PEAK1: variants seen among roughly 807,000 people sequenced by gnomAD.
PEAK1 encodes pseudopodium enriched atypical kinase 1.
Under a neutral mutation model 124.7 loss-of-function variants are expected in PEAK1, and 54 were observed. The observed-to-expected ratio is 0.43, with a 90% CI of 0.35 to 0.54. The LOEUF (loss-of-function observed/expected upper bound fraction) is 0.54, where lower values mean the gene tolerates loss of function less well. Among genes scored for constraint, PEAK1 ranks in the 20% least tolerant of loss-of-function variants. The pLI is 0.01. For synonymous variants in PEAK1, 719 were observed against 760.0 expected, an observed-to-expected ratio of 0.95 and a Z score of 0.89; for missense variants, 2,046 against 2,134.5, an observed-to-expected ratio of 0.96 and a Z score of 0.82.
chr15:77,393,509 T>C (rs1282408885), intron 1 of PEAK1, among the ~76,000 whole-genome samples: 1 of 152,038 alleles, frequency 6.6e-6, no homozygotes, highest in African/African-American at 2.4e-5. Flanking sequence ...GGACCACATT[T>C]CTAGATACAC....
intron 6 of PEAK1, among the ~76,000 whole-genome samples, chr15:77,223,815 A>G (rs1484286274): frequency 1.3e-5 from 2 of 152,010 alleles, no homozygotes; most frequent in East Asian, 1.9e-4. Flanking sequence ...AGATAGTTAA[A>G]AACAATTTCT....
chr15:77,271,771 C>A (rs550244774), intron 5 of PEAK1, among the ~76,000 whole-genome samples: 2 of 152,078 alleles, frequency 1.3e-5, no homozygotes, highest in South Asian at 4.2e-4. Flanking sequence ...TCACACACTG[C>A]GGCCTGTTGT....
rs1199029929 is a variant in PEAK1 at position 77,111,524 on chromosome 15, G to C, written c.*2632C>G. 6.6e-6 allele frequency: 1 copy of C among 152,168 alleles called. No individual in the cohort carries two copies. Among genetic ancestry groups the C allele is most frequent in the African/African-American group, 2.4e-5 (1 of 41,434 alleles). The allele number at this position is 152,168 out of a possible 1,614,324, so 9.4% of individuals were successfully genotyped here. ...AATTAATCTAGCCACCTGTCTCTGG[G>C]AAGCCTGAGGCTTTTCTCTGGCTAG... On this transcript the variant is annotated 3_prime_UTR_variant, in exon 10 of 10. Coordinates refer to ENST00000682557, the MANE Select transcript of PEAK1 (RefSeq NM_001385026.1).
chr15:77,120,589 T>A (rs955492984), intron 9 of PEAK1, among the ~76,000 whole-genome samples: 2 of 152,242 alleles, frequency 1.3e-5, no homozygotes, highest in African/African-American at 4.8e-5. Flanking sequence ...CCATCTCTAT[T>A]GCTACCTTCA....
intron 1 of PEAK1, chr15:77,404,107 T>C: frequency 1.0e-6 from 1 of 985,080 alleles, no homozygotes; most frequent in East Asian, 1.1e-4. Flanking sequence ...CAGTAGGCCT[T>C]TAGACAACTA....
At chr15:77,296,396 G>A (rs1237682974) in intron 2 of PEAK1, among the ~76,000 whole-genome samples, 1 of 151,624 alleles carries the variant, frequency 6.6e-6, no homozygotes, top group African/African-American at 2.4e-5. Context: ...CAGATCACTT[G>A]AGGTGAGGAG....
intron 8 of PEAK1, among the ~76,000 whole-genome samples, chr15:77,145,905 G>C (rs2054143974): frequency 6.6e-6 from 1 of 152,122 alleles, no homozygotes; most frequent in Non-Finnish European, 1.5e-5. Context: ...CTGGTACCAG[G>C]GAGATAGTTG....
At chr15:77,186,071 A>C (rs1308703430) in intron 6 of PEAK1, among the ~76,000 whole-genome samples, 1 of 152,200 alleles carries the variant, frequency 6.6e-6, no homozygotes, top group Non-Finnish European at 1.5e-5. Flanking sequence ...AACTCAGAAA[A>C]GCATAAAGAA....
At chr15:77,136,370 A>G (rs1380019766) in intron 8 of PEAK1, among the ~76,000 whole-genome samples, 1 of 152,192 alleles carries the variant, frequency 6.6e-6, no homozygotes, top group Non-Finnish European at 1.5e-5. Flanking sequence ...AGAGCATAAA[A>G]GTTCAGAAAA....
chr15:77,416,585 ATTAAG>A (rs996508746), intron 1 of PEAK1, among the ~76,000 whole-genome samples: 5 of 152,220 alleles, frequency 3.3e-5, no homozygotes, highest in Non-Finnish European at 7.3e-5. Context: ...AACTTTTGGA[ATTAAG>A]TTAAAGTTAT....
chr15:77,367,401 G>A (rs940900579), intron 1 of PEAK1, among the ~76,000 whole-genome samples: 2 of 152,038 alleles, frequency 1.3e-5, no homozygotes, highest in African/African-American at 4.8e-5. Context: ...ACTGCAAAGG[G>A]GCTTAAGAGA....
At chr15:77,246,860 T>C (rs989944817) in intron 6 of PEAK1, among the ~76,000 whole-genome samples, 19 of 151,372 alleles carry the variant, frequency 1.3e-4, no homozygotes, top group African/African-American at 4.6e-4. Flanking sequence ...ATACTAAAAA[T>C]AAAAAAAATT....
At chr15:77,275,905 A>G (rs1409552667) in intron 5 of PEAK1, among the ~76,000 whole-genome samples, 1 of 152,098 alleles carries the variant, frequency 6.6e-6, no homozygotes, top group African/African-American at 2.4e-5. Flanking sequence ...AAGTCTCAGC[A>G]AAGAAATACA....
chr15:77,337,588 TTACCTCAGAGA>T, intron 2 of PEAK1: 1 of 985,334 alleles, frequency 1.0e-6, no homozygotes, highest in Non-Finnish European at 1.2e-6. Context: ...TAACTTTCAC[TTACCTCAGAGA>T]TATGCTACAA....
At chr15:77,270,834 T>C (rs567242103) in intron 5 of PEAK1, among the ~76,000 whole-genome samples, 16 of 152,240 alleles carry the variant, frequency 1.1e-4, no homozygotes, top group African/African-American at 3.9e-4. Flanking sequence ...TTTGTTTGTG[T>C]CCTCTTTTAT....
chr15:77,145,951 A>G (rs1326112649), intron 8 of PEAK1, among the ~76,000 whole-genome samples: 1 of 152,218 alleles, frequency 6.6e-6, no homozygotes, highest in African/African-American at 2.4e-5. Context: ...AAAGCATTAA[A>G]ACCCAAATAA....
chr15:77,132,010 A>C (rs936735562), intron 9 of PEAK1, among the ~76,000 whole-genome samples: 2 of 152,164 alleles, frequency 1.3e-5, no homozygotes, highest in Non-Finnish European at 2.9e-5. Context: ...AAAAGACAGA[A>C]ACATGCAGTG....
chr15:77,352,807 T>C (rs953550618), intron 2 of PEAK1: 9 of 984,554 alleles, frequency 9.1e-6, no homozygotes, highest in Middle Eastern at 5.2e-4. Flanking sequence ...TCAAAGCAAT[T>C]TGAAGATAGA....
intron 2 of PEAK1, among the ~76,000 whole-genome samples, chr15:77,318,674 C>T (rs956868268): frequency 4.6e-5 from 7 of 151,596 alleles, no homozygotes; most frequent in African/African-American, 1.7e-4. Context: ...TAATGTATAA[C>T]TTATAAAATA....
Sources: gnomAD v4.1 joint callset for allele counts (sites outside exome capture counted in the v4.1 genomes callset) on GRCh38, gnomAD v4.1.1 for gene constraint, MANE v1.5 for transcripts, NCBI Gene and HGNC (gene_info 2026-07-23, HGNC 2026-07-21) for gene names.